The following MAP2K5 variants were observed in gnomAD, a reference collection of about 807,000 sequenced individuals.
MAP2K5 encodes the protein dual specificity mitogen-activated protein kinase kinase 5.
MAP2K5 carries 49 observed loss-of-function variants against 83.1 expected under a neutral mutation model. The ratio of observed to expected loss-of-function variants is 0.59; its 90% CI spans 0.47 to 0.75. The LOEUF is 0.75. Among genes scored for constraint, MAP2K5 ranks in the 30% least tolerant of loss-of-function variants. MAP2K5 has a pLI of 0.00. For synonymous variants in MAP2K5, 202 were observed against 191.8 expected, an observed-to-expected ratio of 1.05 and a Z score of -0.44; for missense variants, 457 against 557.5, an observed-to-expected ratio of 0.82 and a Z score of 1.82.
At chr15:67,664,851 G>A (rs2087333645) in intron 13 of MAP2K5, among the ~76,000 whole-genome samples, 1 of 152,068 alleles carries the variant, frequency 6.6e-6, no homozygotes, top group African/African-American at 2.4e-5. Flanking sequence ...GTGTGTTTTT[G>A]TGAATCACCT....
chr15:67,576,335 G>T (rs1372671058), intron 3 of MAP2K5, among the ~76,000 whole-genome samples: 2 of 147,752 alleles, frequency 1.4e-5, no homozygotes, highest in Non-Finnish European at 3.0e-5. Flanking sequence ...ATTATTGATT[G>T]AATTGTGCCA....
At chr15:67,591,357 G>T (rs1293150173) in intron 6 of MAP2K5, among the ~76,000 whole-genome samples, 3 of 149,950 alleles carry the variant, frequency 2.0e-5, no homozygotes, top group Non-Finnish European at 4.4e-5. Context: ...AAAAAAAAAA[G>T]TAGAGTTAAC....
chr15:67,734,826 T>G (rs530101951), intron 17 of MAP2K5, among the ~76,000 whole-genome samples: 3 of 152,288 alleles, frequency 2.0e-5, no homozygotes, highest in African/African-American at 7.2e-5. Flanking sequence ...GTATGTGAGG[T>G]CTTTAATCAA....
At chr15:67,558,231 A>G (rs1177150010) in intron 2 of MAP2K5, among the ~76,000 whole-genome samples, 4 of 152,292 alleles carry the variant, frequency 2.6e-5, no homozygotes, top group Non-Finnish European at 2.9e-5. Flanking sequence ...CTGGCACGTA[A>G]TAGGCACTCT....
Position 67,750,409 on chromosome 15 carries a change from C to T in MAP2K5, c.1134+1808C>T, listed in dbSNP as rs2089692103. On this transcript the variant is annotated intron_variant, in intron 19 of 21. Coordinates refer to ENST00000178640, the MANE Select transcript of MAP2K5 (RefSeq NM_145160.3). This position sits in a 1 kb window ranked among gnomAD's most constrained non-coding sequence, Gnocchi z 4.2. ...GATTGGCCAGATGACCTGCCTTAGA[C>T]AAGATGAATCATAGCATCTCGGAAA... 6.6e-6 allele frequency among the ~76,000 whole-genome samples: 1 copy of T among 152,192 alleles called. No homozygotes were observed. Among genetic ancestry groups the T allele is most frequent in the South Asian group, 2.1e-4 (1 of 4,830 alleles).
rs2089650781 is a variant in MAP2K5, at chr15:67,748,417, A to G, written c.1102-152A>G. ...TAGATTAGGTACCATTAGAAATAAT[A>G]GAACCTCCTGAGCATCAATGTTTTT... On this transcript the variant is annotated intron_variant, in intron 18 of 21. Transcript: ENST00000178640. This position sits in a 1 kb window ranked among gnomAD's most constrained non-coding sequence, Gnocchi z 4.0. The G allele has an allele frequency of 3.6e-6, 3 of 824,802 alleles. No homozygotes were observed. Among genetic ancestry groups the G allele is most frequent in the African/African-American group, 1.7e-5 (1 of 58,488 alleles). 51.1% of individuals were successfully genotyped at this position (824,802 alleles called of 1,614,324 possible).
intron 8 of MAP2K5, among the ~76,000 whole-genome samples, chr15:67,627,035 G>A (rs145650864): frequency 1.3e-4 from 20 of 152,034 alleles, no homozygotes; most frequent in African/African-American, 4.1e-4. Flanking sequence ...GGACTCAAGC[G>A]ACCCTCTTGC....
intron 3 of MAP2K5, 31 bp from the exon 4 acceptor site, chr15:67,580,723 T>TATAGAA: frequency 1.5e-6 from 2 of 1,360,094 alleles, no homozygotes; most frequent in Non-Finnish European, 2.1e-6. Context: ...CATACATTAC[T>TATAGAA]GAGTGATCTC....
At chr15:67,694,635 A>T (rs957887752) in intron 15 of MAP2K5, among the ~76,000 whole-genome samples, 1 of 152,170 alleles carries the variant, frequency 6.6e-6, no homozygotes, top group African/African-American at 2.4e-5. Flanking sequence ...ATGTAGAGAA[A>T]TAGGAACACT....
Position 67,644,355 on chromosome 15 carries a change from C to G in MAP2K5, c.586-1876C>G, listed in dbSNP as rs2086784463. ...GTTGCAGTGAGCCAAGATCGCGCCACTACACTCCAGCCTGGGTGACAGGGC... is the reference window on the plus strand; with the variant it reads ...GTTGCAGTGAGCCAAGATCGCGCCAGTACACTCCAGCCTGGGTGACAGGGC... On this transcript the variant is annotated intron_variant, in intron 9 of 21. Coordinates refer to ENST00000178640, the MANE Select transcript of MAP2K5 (RefSeq NM_145160.3). The surrounding 1 kb of genome is among the most constrained non-coding windows in gnomAD (Gnocchi z 4.6). Among the ~76,000 whole-genome samples, 1 of 152,042 alleles carries G rather than the reference C, an allele frequency of 6.6e-6. No individual in the cohort carries two copies. The highest frequency in any genetic ancestry group is 6.5e-5 in the Admixed American group (1 of 15,270).
Position 67,719,920 on chromosome 15 carries a change from G to A in MAP2K5, c.1045-7996G>A, listed in dbSNP as rs1200037656. 6.6e-6 allele frequency among the ~76,000 whole-genome samples: 1 copy of A among 152,076 alleles called. No homozygotes were observed. The highest frequency in any genetic ancestry group is 2.4e-5 in the African/African-American group (1 of 41,406). On this transcript the variant is annotated intron_variant, in intron 16 of 21. Coordinates refer to ENST00000178640, the MANE Select transcript of MAP2K5 (RefSeq NM_145160.3). The surrounding 1 kb of genome is among the most constrained non-coding windows in gnomAD (Gnocchi z 4.6). ...TTCCTCTCAGTGCACAGAATACCAT[G>A]GAAAAAGACCTTTGCCATTGTTTTT...
rs1160200484 is a variant in MAP2K5, at chr15:67,786,021, T to TG, written c.1242+13269_1242+13270insG. Among the ~76,000 whole-genome samples, 2 of 149,770 alleles carry TG rather than the reference T, an allele frequency of 1.3e-5. No individual in the cohort carries two copies. The highest frequency in any genetic ancestry group is 1.9e-4 in the East Asian group (1 of 5,160). On this transcript the variant is annotated intron_variant, in intron 21 of 21. Coordinates refer to ENST00000178640, the MANE Select transcript of MAP2K5 (RefSeq NM_145160.3). The surrounding 1 kb of genome is among the most constrained non-coding windows in gnomAD (Gnocchi z 4.7). ...GGGGGCTTTTAGCTGTTAGGTTGTT[T>TG]TTTTTTTTTTAACTTACAGAAGATG...
At chr15:67,647,769 C>T (rs1210690461) in intron 11 of MAP2K5, among the ~76,000 whole-genome samples, 4 of 151,960 alleles carry the variant, frequency 2.6e-5, no homozygotes, top group Admixed American at 1.3e-4. Context: ...ACTTGGGAGG[C>T]TGAGACTGAG....
At chr15:67,560,030 A>G (rs2084703068) in intron 2 of MAP2K5, among the ~76,000 whole-genome samples, 1 of 152,240 alleles carries the variant, frequency 6.6e-6, no homozygotes, top group Non-Finnish European at 1.5e-5. Flanking sequence ...ATCCAGCTTG[A>G]TAGGCAGCTA....
chr15:67,699,108 T>G (rs1187283867), intron 15 of MAP2K5, among the ~76,000 whole-genome samples: 1 of 152,120 alleles, frequency 6.6e-6, no homozygotes, highest in Non-Finnish European at 1.5e-5. Context: ...TCAACTCTTC[T>G]GTTTAAATAT....
intron 11 of MAP2K5, among the ~76,000 whole-genome samples, chr15:67,649,208 A>G (rs935288161): frequency 6.6e-6 from 1 of 152,096 alleles, no homozygotes; most frequent in Non-Finnish European, 1.5e-5. Context: ...TATGTTTTCA[A>G]ATCCTTTGTC....
intron 8 of MAP2K5, chr15:67,628,640 C>G: frequency 9.3e-7 from 1 of 1,080,188 alleles, no homozygotes; most frequent in Non-Finnish European, 1.4e-6. Flanking sequence ...GACCATGACT[C>G]TGTGGATAAG....
At chr15:67,545,418 A>AT (rs1394364324) in intron 1 of MAP2K5, among the ~76,000 whole-genome samples, 14 of 152,204 alleles carry the variant, frequency 9.2e-5, no homozygotes, top group Non-Finnish European at 1.5e-5. Context: ...GAGTCAAGGA[A>AT]TTTGGGTTTA....
At position 67,698,254 on chromosome 15, in the gene MAP2K5, T is replaced by C. The variant is rs2088315800; in HGVS notation, c.972+4686T>C. 6.6e-6 allele frequency among the ~76,000 whole-genome samples: 1 copy of C among 152,078 alleles called. No homozygotes were observed. The highest frequency in any genetic ancestry group is 6.6e-5 in the Admixed American group (1 of 15,250). On this transcript the variant is annotated intron_variant, in intron 15 of 21. Coordinates refer to ENST00000178640, the MANE Select transcript of MAP2K5 (RefSeq NM_145160.3). The surrounding 1 kb of genome is among the most constrained non-coding windows in gnomAD (Gnocchi z 4.5). ...CCCCAGGCTGGAGTGCAGTGGCGATTGCAGCTCACCGCAACCTCTGTCCCC... is the reference window on the plus strand; with the variant it reads ...CCCCAGGCTGGAGTGCAGTGGCGATCGCAGCTCACCGCAACCTCTGTCCCC...
Sources: gnomAD v4.1 joint callset for allele counts (sites outside exome capture counted in the v4.1 genomes callset) on GRCh38, gnomAD v4.1.1 for gene constraint, Gnocchi (gnomAD v3.1) non-coding constraint, MANE v1.5 for transcripts, NCBI Gene and HGNC (gene_info 2026-07-23, HGNC 2026-07-21) for gene names.